The following PCDHA2 variants were observed in gnomAD, a reference collection of about 807,000 sequenced individuals.
The protein encoded by PCDHA2 is protocadherin alpha 2.
PCDHA2 carries 58 observed loss-of-function variants against 66.0 expected under a neutral mutation model. That is an observed-to-expected ratio of 0.88 (90% CI 0.71 to 1.09). The LOEUF is 1.09. Ranked by LOEUF, PCDHA2 falls within the 50% of genes least tolerant of loss-of-function variation. The pLI is 0.00. For synonymous variants in PCDHA2, 634 were observed against 554.0 expected (o/e 1.14, Z -2.03); for missense variants, 1,267 against 1,242.3 (o/e 1.02, Z -0.30).
chr5:140,841,292 A>C, intron 1 of PCDHA2: 1 of 1,561,784 alleles, frequency 6.4e-7, no homozygotes, highest in Non-Finnish European at 8.6e-7. Flanking sequence ...TATTAAGATA[A>C]TATTTTCTGA....
At chr5:140,968,321 A>ACCTCCTATGT in intron 1 of PCDHA2, 1 of 1,613,834 alleles carries the variant, frequency 6.2e-7, no homozygotes, top group Non-Finnish European at 8.5e-7. Flanking sequence ...GCTGCCAGTC[A>ACCTCCTATGT]CCTCCTATGT....
At chr5:140,968,394 G>A (rs782388354) in intron 1 of PCDHA2, 3 of 1,613,942 alleles carry the variant, frequency 1.9e-6, no homozygotes, top group Admixed American at 3.3e-5. Context: ...GAGAAGTTTC[G>A]GGAGTTCTTT....
chr5:140,858,784 T>C (rs1554152015), intron 1 of PCDHA2: 8 of 401,650 alleles, frequency 2.0e-5, no homozygotes, highest in Non-Finnish European at 3.6e-5. Context: ...TACTTCATGT[T>C]ATTTCATTTC....
At chr5:140,993,532 AG>A (rs2097571069) in intron 3 of PCDHA2, among the ~76,000 whole-genome samples, 7 of 152,102 alleles carry the variant, frequency 4.6e-5, no homozygotes, top group African/African-American at 1.7e-4. Context: ...ACAGAGAGAG[AG>A]AGAGATAGAG....
At chr5:140,982,691 C>G in intron 3 of PCDHA2, 128 bp downstream of exon 3, 1 of 1,408,152 alleles carries the variant, frequency 7.1e-7, no homozygotes, top group Non-Finnish European at 9.3e-7. Flanking sequence ...TTTTTCCATA[C>G]ATACATGATT....
intron 1 of PCDHA2, chr5:140,830,373 G>C (rs2150185640): frequency 1.2e-6 from 2 of 1,614,144 alleles, no homozygotes; most frequent in South Asian, 2.2e-5. Flanking sequence ...GTGTGCTCCG[G>C]GGAGGGCCCA....
intron 1 of PCDHA2, among the ~76,000 whole-genome samples, chr5:140,917,324 C>CGGGGGG (rs1299895515): frequency 3.9e-5 from 3 of 76,174 alleles, no homozygotes; most frequent in East Asian, 7.2e-4. Flanking sequence ...GTTCATGTGG[C>CGGGGGG]GGGGGAGGGG....
At chr5:140,841,195 T>A (rs1777082025) in intron 1 of PCDHA2, 13 of 1,267,354 alleles carry the variant, frequency 1.0e-5, no homozygotes, top group Non-Finnish European at 1.4e-5. Context: ...GTCTTTTCTC[T>A]GACAGCATCT....
rs777744369 is a variant in PCDHA2, at chr5:140,803,545, G to A, written c.2388+6193G>A. ...AGCCTTCCTCCTTGTCCAATTAGCCGGGATAGAGAGGAGAAACAGGATGTG... is the reference window on the plus strand; with the variant it reads ...AGCCTTCCTCCTTGTCCAATTAGCCAGGATAGAGAGGAGAAACAGGATGTG... On this transcript the variant is annotated intron_variant, in intron 1 of 3. Coordinates refer to ENST00000526136, the MANE Select transcript of PCDHA2 (RefSeq NM_018905.3). 120 of 1,614,176 alleles carry A rather than the reference G, an allele frequency of 7.4e-5. No homozygotes were observed. Among genetic ancestry groups the A allele is most frequent in the Non-Finnish European group, 9.8e-5 (116 of 1,180,020 alleles).
At chr5:140,928,097 C>T (rs2084934742) in intron 1 of PCDHA2, 2 of 1,614,054 alleles carry the variant, frequency 1.2e-6, no homozygotes, top group African/African-American at 2.7e-5. Flanking sequence ...ATTGATGGGC[C>T]CCTGGACCGG....
At chr5:140,889,121 G>A (rs2062113098) in intron 1 of PCDHA2, among the ~76,000 whole-genome samples, 1 of 151,724 alleles carries the variant, frequency 6.6e-6, no homozygotes, top group East Asian at 1.9e-4. Flanking sequence ...AGGTGATACT[G>A]ATATGTCCTA....
intron 1 of PCDHA2, chr5:140,807,545 G>A: frequency 2.5e-6 from 4 of 1,614,188 alleles, no homozygotes; most frequent in Non-Finnish European, 3.4e-6. Context: ...TTTCCATGTG[G>A]ACGTGGAGGT....
At chr5:140,848,603 G>A (rs144574743) in intron 1 of PCDHA2, 1 of 1,581,062 alleles carries the variant, frequency 6.3e-7, no homozygotes, top group Non-Finnish European at 8.7e-7. Flanking sequence ...ACTCCGTCCC[G>A]GAGGAAGCCG....
At chr5:140,822,266 A>G in intron 1 of PCDHA2, 3 of 1,614,270 alleles carry the variant, frequency 1.9e-6, no homozygotes, top group Non-Finnish European at 2.5e-6. Context: ...ATTGGAGCAA[A>G]TGCACAATTG....
intron 1 of PCDHA2, chr5:140,967,039 G>GCTGGAC (rs1192512561): frequency 1.2e-6 from 2 of 1,611,626 alleles, no homozygotes; most frequent in Non-Finnish European, 1.7e-6. Flanking sequence ...GCTACCTGGA[G>GCTGGAC]CTGGACCTGA....
Position 140,851,538 on chromosome 5 carries a change from A to G in PCDHA2, c.2388+54186A>G. 2.2e-6 allele frequency: 2 copies of G among 905,392 alleles called. 1 individual carries two copies. The highest frequency in any genetic ancestry group is 2.7e-6 in the Non-Finnish European group (2 of 743,116). The allele number at this position is 905,392 out of a possible 1,614,324, so 56.1% of individuals were successfully genotyped here. A position where few individuals can be genotyped will look rare whatever the true frequency, so the allele number is the denominator to read the frequency against. Reference sequence around the variant, plus strand: ...TTTTAAAATGCCTGACAATGTAGATAATTCAAGAAATGTTGACTGAAATTT... The same window carrying G: ...TTTTAAAATGCCTGACAATGTAGATGATTCAAGAAATGTTGACTGAAATTT... On this transcript the variant is annotated intron_variant, in intron 1 of 3. Coordinates refer to ENST00000526136, the MANE Select transcript of PCDHA2 (RefSeq NM_018905.3).
intron 1 of PCDHA2, chr5:140,858,154 C>G (rs781842183): frequency 1.3e-6 from 2 of 1,597,814 alleles, no homozygotes; most frequent in African/African-American, 1.3e-5. Context: ...TCATCGCCAT[C>G]TGCGCGGTGT....
rs1203215461 is a variant in PCDHA2 at position 140,841,541 on chromosome 5, C to A, written c.2388+44189C>A. The stretch of plus-strand genomic sequence containing the variant: ...GGTGGCGTCCAAAAGACACCGGGAC[C>A]TTCTGGAGGTAAGTCTGCAGAATGG... On this transcript the variant is annotated intron_variant, in intron 1 of 3. Transcript: ENST00000526136. 1 of 1,613,604 alleles carries A rather than the reference C, an allele frequency of 6.2e-7. No individual in the cohort carries two copies. The highest frequency in any genetic ancestry group is 8.5e-7 in the Non-Finnish European group (1 of 1,180,002).
chr5:140,919,709 G>T (rs782509447), intron 1 of PCDHA2, among the ~76,000 whole-genome samples: 5 of 152,076 alleles, frequency 3.3e-5, no homozygotes, highest in Non-Finnish European at 7.4e-5. Context: ...CTTAATTCTA[G>T]TGAGATATAA....
Sources: gnomAD v4.1 joint callset for allele counts (sites outside exome capture counted in the v4.1 genomes callset) on GRCh38, gnomAD v4.1.1 for gene constraint, MANE v1.5 for transcripts, NCBI Gene and HGNC (gene_info 2026-07-23, HGNC 2026-07-21) for gene names.